VARS1: variants seen among roughly 807,000 people sequenced by gnomAD.
VARS1 encodes the protein valine--tRNA ligase.
In VARS1, 92 loss-of-function variants were observed where a neutral mutation model predicts 161.0. That is an observed-to-expected ratio of 0.57 (90% CI 0.48 to 0.68). The LOEUF is 0.68. Ranked by LOEUF, VARS1 falls within the 30% of genes least tolerant of loss-of-function variation. The pLI is 0.00. For missense variants in VARS1, 1,338 were observed against 1,695.9 expected (o/e 0.79, Z 3.71); for synonymous variants, 595 against 682.5 (o/e 0.87, Z 2.00).
In VARS1 at chr6:31,780,281, T is replaced by A; in HGVS notation, c.2926-128A>T. On this transcript the variant is annotated intron_variant, in intron 25 of 29. Coordinates refer to ENST00000375663, the MANE Select transcript of VARS1 (RefSeq NM_006295.3). This position sits in a 1 kb window ranked among gnomAD's most constrained non-coding sequence, Gnocchi z 5.1. ...CAAAGCAACCACCTATGTGCCAGGATCTGGGAAGAAGTGACAGGCCCCAGC... is the reference window on the plus strand; with the variant it reads ...CAAAGCAACCACCTATGTGCCAGGAACTGGGAAGAAGTGACAGGCCCCAGC... 1 of 1,520,836 alleles carries A rather than the reference T, an allele frequency of 6.6e-7. No individual in the cohort carries two copies. Among genetic ancestry groups the A allele is most frequent in the Non-Finnish European group, 8.8e-7 (1 of 1,132,550 alleles). 94.2% of individuals were successfully genotyped at this position (1,520,836 alleles called of 1,614,324 possible).
Position 31,784,500 on chromosome 6 carries a change from C to T in VARS1, c.1470G>A (p.Val490=), listed in dbSNP as rs1468701001. Residue 490 remains valine (V), a splice_region_variant and synonymous_variant, in exon 12 of 30, where the codon GTG becomes GTA. Transcript: ENST00000375663. The surrounding 1 kb of genome is among the most constrained non-coding windows in gnomAD (Gnocchi z 6.1). ...TLNSAISDIE[V]DKKELTGRTL... ...TGCGACCTGTCAGCTCCTTCTTATC[C>T]ACCTGTAAAATGGGTATTTAGAGGC... 3 of 1,614,030 alleles carry T rather than the reference C, an allele frequency of 1.9e-6. No homozygotes were observed. Among genetic ancestry groups the T allele is most frequent in the South Asian group, 2.2e-5 (2 of 91,088 alleles).
intron 6 of VARS1, 111 bp downstream of exon 6, chr6:31,792,106 G>T: frequency 6.8e-7 from 1 of 1,476,126 alleles, no homozygotes; most frequent in Non-Finnish European, 9.3e-7. Flanking sequence ...AGGCAGGGCA[G>T]GGGGTCTGCA....
At chr6:31,783,294 C>T (rs28732160) in intron 13 of VARS1, 108 bp from the exon 14 acceptor site, 39,500 of 1,186,576 alleles carry the variant, frequency 0.033, 894 homozygotes, top group South Asian at 0.05. Context: ...CACTTGAGGC[C>T]GGGAGTTGGA....
Position 31,778,887 on chromosome 6 carries a change from C to CA in VARS1, c.3726+79dup, listed in dbSNP as rs1291270863. The CA allele has an allele frequency of 1.9e-6, 3 of 1,564,286 alleles. No individual in the cohort carries two copies. On this transcript the variant is annotated intron_variant, in intron 29 of 29. Transcript: ENST00000375663. The surrounding 1 kb of genome is among the most constrained non-coding windows in gnomAD (Gnocchi z 5.1). ...GTTACGATCAATTAGTTGTCAACAC[C>CA]ACTGCACTCGGACCAGCCCAGACCA...
intron 4 of VARS1, 43 bp downstream of exon 4, chr6:31,792,714 C>A (rs1290838879): frequency 1.2e-6 from 2 of 1,610,630 alleles, no homozygotes; most frequent in Non-Finnish European, 1.7e-6. Context: ...GCATGGAAGG[C>A]CCCAGGGAAG....
At position 31,794,922 on chromosome 6, in the gene VARS1, C is replaced by A; in HGVS notation, c.296G>T (p.Trp99Leu). ...TAACTCCGTGTCGGCGTAACTGACC[C>A]ACTGTTGGACAAGGACAGCCGCCCG... ...GSRAAVLVQQWVSYADTELIP... is the reference protein window; with the variant it reads ...GSRAAVLVQQLVSYADTELIP... Residue 99 changes from tryptophan (W) to leucine (L), a missense_variant, in exon 2 of 30, where the codon TGG becomes TTG. By Grantham distance (61) the Trp-to-Leu change is moderately conservative. Transcript: ENST00000375663. 6.2e-7 allele frequency: 1 copy of A among 1,612,936 alleles called. No homozygotes were observed. The highest frequency in any genetic ancestry group is 8.5e-7 in the Non-Finnish European group (1 of 1,179,972).
rs761765858 is a variant in VARS1, at chr6:31,784,464, G to C, written c.1506C>G (p.Ser502=). ...CCACCTTCTCCTTGTAGCCAGGCAC[G>C]GAGAGCAGGGTGCGACCTGTCAGCT... ...KKELTGRTLL[S]VPGYKEKVEF... Residue 502 remains serine (S), a synonymous_variant, in exon 12 of 30, where the codon TCC becomes TCG. Transcript: ENST00000375663. The surrounding 1 kb of genome is among the most constrained non-coding windows in gnomAD (Gnocchi z 6.1). 1.2e-6 allele frequency: 2 copies of C among 1,614,088 alleles called. No homozygotes were observed.
Position 31,777,764 on chromosome 6 carries a change from G to A in VARS1, c.3727-102C>T. On this transcript the variant is annotated intron_variant, in intron 29 of 29. Coordinates refer to ENST00000375663, the MANE Select transcript of VARS1 (RefSeq NM_006295.3). This position sits in a 1 kb window ranked among gnomAD's most constrained non-coding sequence, Gnocchi z 5.8. Reference sequence around the variant, plus strand: ...GGAAAGATGAGCGAGGACCATGGGAGGTCAGTAGCTCAGAGGAGGCGTGAA... The same window carrying A: ...GGAAAGATGAGCGAGGACCATGGGAAGTCAGTAGCTCAGAGGAGGCGTGAA... 1.4e-6 allele frequency: 2 copies of A among 1,392,092 alleles called. No homozygotes were observed. Among genetic ancestry groups the A allele is most frequent in the South Asian group, 1.2e-5 (1 of 80,382 alleles). The allele number at this position is 1,392,092 out of a possible 1,614,324, so 86.2% of individuals were successfully genotyped here.
intron 8 of VARS1, among the ~76,000 whole-genome samples, chr6:31,786,573 C>T (rs1009270560): frequency 1.4e-5 from 2 of 140,504 alleles, no homozygotes; most frequent in African/African-American, 5.4e-5. Context: ...GGCTGAAGCA[C>T]GAGAATCGCT....
Position 31,791,577 on chromosome 6 carries a change from G to A in VARS1, c.1100+33C>T, listed in dbSNP as rs1813869599. The A allele has an allele frequency of 6.3e-7, 1 of 1,586,242 alleles. No individual in the cohort carries two copies. On this transcript the variant is annotated intron_variant, in intron 8 of 29. Transcript: ENST00000375663. The surrounding 1 kb of genome is among the most constrained non-coding windows in gnomAD (Gnocchi z 5.0). ...AAAGGAGAGAGCCAGACTAGGCAGA[G>A]GGAACCAGAGGAAGGTGCAGATAGA...
rs764544524 is a variant in VARS1 at position 31,791,648 on chromosome 6, A to G, written c.1062T>C (p.His354=). The change falls in exon 8 of 30, where the codon CAT becomes CAC. Residue 354 remains histidine (H), a synonymous_variant. Coordinates refer to ENST00000375663, the MANE Select transcript of VARS1 (RefSeq NM_006295.3). This position sits in a 1 kb window ranked among gnomAD's most constrained non-coding sequence, Gnocchi z 5.0. The part of the protein sequence containing the change: ...PNVTGSLHLG[H]ALTNAIQDSL... ...AGTCCTGGATGGCGTTGGTGAGTGC[A>G]TGGCCCAGGTGCAGGGAGCCTGTCA... is the stretch of plus-strand genomic sequence containing the variant. The G allele has an allele frequency of 1.2e-6, 2 of 1,612,914 alleles. No homozygotes were observed. The highest frequency in any genetic ancestry group is 2.2e-5 in the South Asian group (2 of 91,070).
rs536196212 is a variant in VARS1, at chr6:31,782,243, C to A, written c.2150+42G>T. On this transcript the variant is annotated intron_variant, in intron 17 of 29. Transcript: ENST00000375663. The surrounding 1 kb of genome is among the most constrained non-coding windows in gnomAD (Gnocchi z 8.3). ...GAGCCTGGCCCGAGTGAGCCCTGCT[C>A]AGCCCTCGGCAAGCCCCTCCCACAC... 6.2e-7 allele frequency: 1 copy of A among 1,610,128 alleles called. No homozygotes were observed. The highest frequency in any genetic ancestry group is 1.7e-5 in the Admixed American group (1 of 59,872).
At chr6:31,788,810 A>AAAT (rs961710578) in intron 8 of VARS1, among the ~76,000 whole-genome samples, 12 of 151,670 alleles carry the variant, frequency 7.9e-5, no homozygotes, top group South Asian at 4.1e-4. Flanking sequence ...CTCTGTCTCA[A>AAAT]AATAATAATA....
At chr6:31,786,665 C>CAAAAA (rs9279417) in intron 8 of VARS1, among the ~76,000 whole-genome samples, 2 of 31,608 alleles carry the variant, frequency 6.3e-5, no homozygotes, top group African/African-American at 1.2e-4. Flanking sequence ...GACTCTGTCT[C>CAAAAA]AAAAAAAAAA....
Position 31,782,632 on chromosome 6 carries a change from C to T in VARS1, c.1889G>A (p.Gly630Asp), listed in dbSNP as rs999748905. 6.8e-6 allele frequency: 11 copies of T among 1,612,990 alleles called. No individual in the cohort carries two copies. Among genetic ancestry groups the T allele is most frequent in the Non-Finnish European group, 9.3e-6 (11 of 1,180,040 alleles). The part of the protein sequence containing the change: ...ALINVPPPFL[G>D]LPRFEARKAV... ...TTTCCTGGCCTCAAACCTGGGCAGGCCCTGGGTAGGAATGAGGCCTCATCA... is the reference window on the plus strand; with the variant it reads ...TTTCCTGGCCTCAAACCTGGGCAGGTCCTGGGTAGGAATGAGGCCTCATCA... The change falls in exon 16 of 30, where the codon GGC becomes GAC. Residue 630 changes from glycine to aspartate, a missense_variant and splice_region_variant. Physicochemically the swap from Gly to Asp is moderately conservative, Grantham distance 94. Around this residue, in one of 3 missense-constraint regions of VARS1, gnomAD observed 902 missense variants for 1,090.3 expected, o/e 0.83. Transcript: ENST00000375663. The surrounding 1 kb of genome is among the most constrained non-coding windows in gnomAD (Gnocchi z 8.3).
rs370195598 is a variant in VARS1, at chr6:31,792,556, G to T, written c.662-40C>A. ...AGAAATTCAGACTCAGCCAGCTGGG[G>T]ACCCTCTTGGACGGCCATACTAGGT... On this transcript the variant is annotated intron_variant, in intron 4 of 29. Coordinates refer to ENST00000375663, the MANE Select transcript of VARS1 (RefSeq NM_006295.3). The T allele has an allele frequency of 1.9e-6, 3 of 1,612,786 alleles. No homozygotes were observed. The African/African-American group carries it at 4.0e-5, about 22-fold the overall frequency.
chr6:31,793,187 C>T (rs2151435420), intron 2 of VARS1, 67 bp from the exon 3 acceptor site: 1 of 1,523,322 alleles, frequency 6.6e-7, no homozygotes, highest in Non-Finnish European at 8.7e-7. Flanking sequence ...ACAACCCAAT[C>T]CATGTGGCCT....
At position 31,791,663 on chromosome 6, in the gene VARS1, G is replaced by A. The variant is rs1231193888; in HGVS notation, c.1047C>T (p.Ser349=). 1 of 1,613,032 alleles carries A rather than the reference G, an allele frequency of 6.2e-7. No individual in the cohort carries two copies. Among genetic ancestry groups the A allele is most frequent in the Admixed American group, 1.7e-5 (1 of 59,994 alleles). Reference sequence around the variant, plus strand: ...TGGTGAGTGCATGGCCCAGGTGCAGGGAGCCTGTCACATTGGGGGGTGGGA... The same window carrying A: ...TGGTGAGTGCATGGCCCAGGTGCAGAGAGCCTGTCACATTGGGGGGTGGGA... The part of the protein sequence containing the change: ...MCIPPPNVTG[S]LHLGHALTNA... The change falls in exon 8 of 30, where the codon TCC becomes TCT. Residue 349 remains serine, a synonymous_variant. Coordinates refer to ENST00000375663, the MANE Select transcript of VARS1 (RefSeq NM_006295.3). The surrounding 1 kb of genome is among the most constrained non-coding windows in gnomAD (Gnocchi z 5.0).
rs1813058932 is a variant in VARS1 at position 31,780,399 on chromosome 6, CTG to C, written c.2925+40_2925+41del. 6.3e-7 allele frequency: 1 copy of C among 1,598,786 alleles called. No homozygotes were observed. The highest frequency in any genetic ancestry group is 8.5e-7 in the Non-Finnish European group (1 of 1,172,456). On this transcript the variant is annotated intron_variant, in intron 25 of 29. Transcript: ENST00000375663. This position sits in a 1 kb window ranked among gnomAD's most constrained non-coding sequence, Gnocchi z 5.1. ...AGGCTGCTCCGGACAGGGGTACAGC[CTG>C]TGTGAGTGCTGCCAGCTTTGCTGCC...
Sources: allele counts gnomAD v4.1 joint callset (sites outside exome capture counted in the v4.1 genomes callset), GRCh38; gene constraint gnomAD v4.1.1; regional missense constraint gnomAD v4.1.1; non-coding constraint Gnocchi (gnomAD v3.1); transcripts MANE v1.5; gene names NCBI Gene and HGNC (gene_info 2026-07-23, HGNC 2026-07-21).